HOXC6: variants seen among roughly 807,000 people sequenced by gnomAD.
HOXC6 encodes the protein homeobox protein Hox-C6.
A neutral mutation model predicts 24.0 loss-of-function variants in HOXC6; 10 were observed. The ratio of observed to expected loss-of-function variants is 0.42; its 90% CI spans 0.26 to 0.71. The LOEUF (loss-of-function observed/expected upper bound fraction) is 0.71, where lower values mean the gene tolerates loss of function less well. HOXC6 is among the 30% of genes least tolerant of loss of function. The pLI is 0.28. For synonymous variants in HOXC6, 123 were observed against 128.1 expected, an observed-to-expected ratio of 0.96 and a Z score of 0.27; for missense variants, 258 against 303.4, an observed-to-expected ratio of 0.85 and a Z score of 1.11.
At chr12:54,022,063 C>T (rs1252916103) in intron 1 of HOXC6, 1 of 152,280 alleles carries the variant, frequency 6.6e-6, no homozygotes. Flanking sequence ...GGTGGACAGA[C>T]TTCTGAGCAG....
Position 54,030,004 on chromosome 12 carries a change from C to T in HOXC6, c.*42C>T, listed in dbSNP as rs1230627922. On this transcript the variant is annotated 3_prime_UTR_variant, in exon 2 of 2. Coordinates refer to ENST00000243108, the MANE Select transcript of HOXC6 (RefSeq NM_004503.4). ...CACCCCTCTCTCCCTTTCTCCCTCG[C>T]TCCCCACCAACTCTCCCCTAATCAC... The T allele has an allele frequency of 6.2e-6, 9 of 1,455,344 alleles. No homozygotes were observed. The highest frequency in any genetic ancestry group is 5.7e-5 in the African/African-American group (4 of 70,078). The allele number at this position is 1,455,344 out of a possible 1,614,324, so 90.2% of individuals were successfully genotyped here. A position where few individuals can be genotyped will look rare whatever the true frequency, so the allele number is the denominator to read the frequency against.
chr12:54,022,491 AAATT>A (rs1402259478), intron 1 of HOXC6: 1 of 152,150 alleles, frequency 6.6e-6, no homozygotes, highest in Admixed American at 6.5e-5. Context: ...CTCATTTCTG[AAATT>A]AATTTTCCCC....
chr12:54,023,050 C>T (rs576798092), intron 1 of HOXC6, among the ~76,000 whole-genome samples: 35 of 152,268 alleles, frequency 2.3e-4, no homozygotes, highest in African/African-American at 8.4e-4. Context: ...CTTGCTTTGC[C>T]CCCCTCAAGT....
At chr12:54,028,308 C>A (rs1411853892), upstream of HOXC6, 4 of 473,184 alleles carry the variant, frequency 8.5e-6, no homozygotes, top group Non-Finnish European at 1.1e-5. Flanking sequence ...AAAGCACACA[C>A]TTAGTCTCAA....
At chr12:54,025,596 T>C (rs979296117), upstream of HOXC6, among the ~76,000 whole-genome samples, 10 of 152,006 alleles carry the variant, frequency 6.6e-5, no homozygotes, top group Admixed American at 2.0e-4. Flanking sequence ...TTTATTTGTA[T>C]TTCTGTTTCC....
rs1478777893 is a variant in HOXC6 at position 54,030,145 on chromosome 12, CTCTT to C, written c.*186_*189del. 17 of 580,802 alleles carry C rather than the reference CTCTT, an allele frequency of 2.9e-5. No homozygotes were observed. The highest frequency in any genetic ancestry group is 5.1e-5 in the Non-Finnish European group (17 of 336,172). The allele number at this position is 580,802 out of a possible 1,614,324, so 36.0% of individuals were successfully genotyped here. A position where few individuals can be genotyped will look rare whatever the true frequency, so the allele number is the denominator to read the frequency against. On this transcript the variant is annotated 3_prime_UTR_variant, in exon 2 of 2. Transcript: ENST00000243108. ...GGACCCCCTCCCTCACCGCACAACT[CTCTT>C]TCACCACGCGCCTCCTCCTCCTCGC...
At chr12:54,027,335 C>A (rs1326298267), upstream of HOXC6, among the ~76,000 whole-genome samples, 1 of 152,212 alleles carries the variant, frequency 6.6e-6, no homozygotes, top group Non-Finnish European at 1.5e-5. Flanking sequence ...GGCGCCTCCA[C>A]TGGCGGTGCC....
At chr12:54,028,414 G>T (rs1026056594), upstream of HOXC6, 5 of 1,248,386 alleles carry the variant, frequency 4.0e-6, no homozygotes, top group South Asian at 4.7e-5. Context: ...TTGTCATTTT[G>T]TCTGTCCTGG....
intron 1 of HOXC6, chr12:54,021,919 AC>A (rs1387484343): frequency 6.6e-6 from 1 of 151,944 alleles, no homozygotes; most frequent in Non-Finnish European, 1.5e-5. Context: ...CTTTCCAGCA[AC>A]CCCCTCCTGC....
chr12:54,023,501 GC>G (rs925192190), upstream of HOXC6, among the ~76,000 whole-genome samples: 14 of 152,130 alleles, frequency 9.2e-5, no homozygotes, highest in African/African-American at 3.4e-4. Flanking sequence ...AGCAAAAGCA[GC>G]TCGGGTAGCC....
upstream of HOXC6, among the ~76,000 whole-genome samples, chr12:54,024,173 G>A (rs959102426): frequency 3.3e-5 from 5 of 152,150 alleles, no homozygotes; most frequent in African/African-American, 4.8e-5. Flanking sequence ...TTTAGCCCTC[G>A]CCCAGTGGCA....
upstream of HOXC6, among the ~76,000 whole-genome samples, chr12:54,026,348 T>G (rs1037284062): frequency 5.3e-5 from 8 of 152,192 alleles, no homozygotes; most frequent in Non-Finnish European, 1.2e-4. Context: ...AAACCTCTGC[T>G]CAGGCATGCC....
intron 1 of HOXC6, among the ~76,000 whole-genome samples, chr12:54,029,403 G>GCC (rs1234645036): frequency 6.6e-4 from 39 of 58,860 alleles, no homozygotes; most frequent in Admixed American, 1.5e-3. Context: ...CTTTTGCCCC[G>GCC]CCCCCCCGCC....
chr12:54,029,109 C>T (rs541688247), intron 1 of HOXC6, among the ~76,000 whole-genome samples, 188 bp downstream of exon 1: 4 of 151,768 alleles, frequency 2.6e-5, no homozygotes, highest in African/African-American at 9.7e-5. Context: ...AGGGGCCTGG[C>T]CCCCTTGGCC....
At position 54,030,641 on chromosome 12, in the gene HOXC6, C is replaced by CA. The variant is rs1940950539; in HGVS notation, c.*685dup. 6.6e-6 allele frequency: 1 copy of CA among 150,734 alleles called. No homozygotes were observed. Among genetic ancestry groups the CA allele is most frequent in the African/African-American group, 2.5e-5 (1 of 40,762 alleles). 9.3% of individuals were successfully genotyped at this position (150,734 alleles called of 1,614,324 possible). A position where few individuals can be genotyped will look rare whatever the true frequency, so the allele number is the denominator to read the frequency against. On this transcript the variant is annotated 3_prime_UTR_variant, in exon 2 of 2. Coordinates refer to ENST00000243108, the MANE Select transcript of HOXC6 (RefSeq NM_004503.4). The stretch of plus-strand genomic sequence containing the variant: ...CACCGTCAGTGTTCCTATCCAATTT[C>CA]AAAAAAGGAAAAAAAAGAGGGAAAA...
Position 54,028,456 on chromosome 12 carries a change from G to A in HOXC6, c.-66G>A. ...GCCGTCCCTATAACCATCTAGTTCC[G>A]AGTACAAACTGGAGACAGAAATAAA... On this transcript the variant is annotated 5_prime_UTR_variant, in exon 1 of 2. Transcript: ENST00000243108. 6.5e-7 allele frequency: 1 copy of A among 1,529,690 alleles called. No homozygotes were observed. Among genetic ancestry groups the A allele is most frequent in the Middle Eastern group, 1.8e-4 (1 of 5,672 alleles). The allele number at this position is 1,529,690 out of a possible 1,614,324, so 94.8% of individuals were successfully genotyped here.
intron 1 of HOXC6, chr12:54,021,823 C>T (rs1940461873): frequency 6.6e-6 from 1 of 152,356 alleles, no homozygotes. Flanking sequence ...CTTGTTTTGT[C>T]TGCTGCCACC....
upstream of HOXC6, among the ~76,000 whole-genome samples, chr12:54,026,434 C>G (rs1052429864): frequency 2.0e-5 from 3 of 152,200 alleles, no homozygotes; most frequent in Admixed American, 6.5e-5. Flanking sequence ...CCTGCCAAGT[C>G]ACCCCAAAAA....
chr12:54,022,072 AGCCCTTCCCTT>A (rs932337460), intron 1 of HOXC6: 1 of 152,222 alleles, frequency 6.6e-6, no homozygotes, highest in Non-Finnish European at 1.5e-5. Context: ...ACTTCTGAGC[AGCCCTTCCCTT>A]GCCTAGGCTT....
Sources: gnomAD v4.1 joint callset for allele counts (sites outside exome capture counted in the v4.1 genomes callset) on GRCh38, gnomAD v4.1.1 for gene constraint, MANE v1.5 for transcripts, NCBI Gene and HGNC (gene_info 2026-07-23, HGNC 2026-07-21) for gene names.